Variants in ADGRL3 observed in about 807,000 individuals in gnomAD.
ADGRL3 encodes calcium-independent alpha-latrotoxin receptor 3.
ADGRL3 carries 62 observed loss-of-function variants against 153.5 expected under a neutral mutation model. The observed-to-expected ratio is 0.40, with a 90% CI of 0.33 to 0.50. ADGRL3 has a LOEUF of 0.50. ADGRL3 is among the 20% of genes least tolerant of loss of function. The pLI is 0.47. For synonymous variants in ADGRL3, 710 were observed against 672.5 expected (o/e 1.06, Z -0.86); for missense variants, 1,641 against 1,859.4 (o/e 0.88, Z 2.16).
intron 9 of ADGRL3, among the ~76,000 whole-genome samples, chr4:61,844,890 C>T (rs2149048555): frequency 6.6e-6 from 1 of 152,122 alleles, no homozygotes; most frequent in East Asian, 1.9e-4. Context: ...GAACTATACA[C>T]TGCACAATTA....
At chr4:61,991,418 A>G (rs1161294493) in intron 19 of ADGRL3, among the ~76,000 whole-genome samples, 5 of 152,120 alleles carry the variant, frequency 3.3e-5, no homozygotes, top group Admixed American at 3.3e-4. Context: ...TATAATAGCC[A>G]TAATTCTTAT....
At chr4:61,612,954 T>G (rs1474340093) in intron 5 of ADGRL3, among the ~76,000 whole-genome samples, 2 of 152,164 alleles carry the variant, frequency 1.3e-5, no homozygotes, top group African/African-American at 4.8e-5. Flanking sequence ...TAGAGCTTTT[T>G]AAAATCTCAA....
intron 19 of ADGRL3, among the ~76,000 whole-genome samples, chr4:61,993,164 T>TTTG (rs1553904369): frequency 1.4e-5 from 2 of 138,424 alleles, no homozygotes; most frequent in South Asian, 2.5e-4. Flanking sequence ...TGGGCTGCAG[T>TTTG]TGTGTGTGTG....
At chr4:62,050,215 A>G (rs1733366294) in intron 25 of ADGRL3, among the ~76,000 whole-genome samples, 1 of 152,154 alleles carries the variant, frequency 6.6e-6, no homozygotes, top group South Asian at 2.1e-4. Flanking sequence ...AATTAAATGC[A>G]CATTGCATCT....
At chr4:61,310,296 C>T (rs962332190) in intron 1 of ADGRL3, among the ~76,000 whole-genome samples, 4 of 152,012 alleles carry the variant, frequency 2.6e-5, no homozygotes, top group African/African-American at 4.8e-5. Flanking sequence ...ATTAAATAGC[C>T]ATGTTTACGG....
chr4:61,334,064 G>C (rs373111721), intron 1 of ADGRL3, among the ~76,000 whole-genome samples: 50 of 151,358 alleles, frequency 3.3e-4, no homozygotes, highest in African/African-American at 1.2e-3. Flanking sequence ...TTACAGGTGT[G>C]CACCACTACG....
chr4:61,786,549 A>G (rs1413194983), intron 8 of ADGRL3, among the ~76,000 whole-genome samples: 1 of 152,210 alleles, frequency 6.6e-6, no homozygotes, highest in African/African-American at 2.4e-5. Context: ...GTATTTGGCA[A>G]GGCACCCTTA....
chr4:61,800,813 C>T (rs181299259), intron 8 of ADGRL3, among the ~76,000 whole-genome samples: 1 of 152,240 alleles, frequency 6.6e-6, no homozygotes, highest in African/African-American at 2.4e-5. Context: ...AAAATGATCC[C>T]TTTTTGTGTG....
At chr4:62,015,148 T>G (rs2099205703) in intron 21 of ADGRL3, among the ~76,000 whole-genome samples, 1 of 152,132 alleles carries the variant, frequency 6.6e-6, no homozygotes, top group Admixed American at 6.5e-5. Context: ...ACTTGAAAAT[T>G]TCCTAATCTA....
At chr4:61,916,406 A>G (rs987765117) in intron 13 of ADGRL3, among the ~76,000 whole-genome samples, 2 of 152,176 alleles carry the variant, frequency 1.3e-5, no homozygotes, top group Non-Finnish European at 2.9e-5. Context: ...AAGCCAAGGT[A>G]GAAGGATTTT....
chr4:61,777,711 G>A (rs1440304216), intron 8 of ADGRL3, among the ~76,000 whole-genome samples: 1 of 152,126 alleles, frequency 6.6e-6, no homozygotes, highest in African/African-American at 2.4e-5. Flanking sequence ...AAGTACTACT[G>A]TGAAAATAAA....
At chr4:61,583,128 A>G (rs778715644) in intron 4 of ADGRL3, among the ~76,000 whole-genome samples, 2 of 152,024 alleles carry the variant, frequency 1.3e-5, no homozygotes, top group African/African-American at 2.4e-5. Flanking sequence ...ACTTATTGAT[A>G]TGTTTTGTCC....
chr4:61,429,715 T>C (rs111647830), intron 2 of ADGRL3, among the ~76,000 whole-genome samples: 106 of 152,234 alleles, frequency 7.0e-4, no homozygotes, highest in African/African-American at 2.4e-3. Context: ...CTTCCCTAAG[T>C]ATTAGATATT....
At chr4:61,746,857 C>G (rs1395879225) in intron 8 of ADGRL3, among the ~76,000 whole-genome samples, 1 of 151,936 alleles carries the variant, frequency 6.6e-6, no homozygotes, top group East Asian at 1.9e-4. Context: ...TAACTAAGAT[C>G]AGAGCAGAAC....
chr4:61,429,374 T>G (rs2097327623), intron 2 of ADGRL3, among the ~76,000 whole-genome samples: 1 of 152,122 alleles, frequency 6.6e-6, no homozygotes, highest in African/African-American at 2.4e-5. Context: ...AAGTTAAAGG[T>G]GAAAGAATCA....
intron 3 of ADGRL3, among the ~76,000 whole-genome samples, chr4:61,500,029 C>G (rs79007872): frequency 3.6e-5 from 5 of 140,556 alleles, no homozygotes; most frequent in Admixed American, 1.4e-4. Context: ...CACACAGAAA[C>G]AGAGAGAGAG....
intron 1 of ADGRL3, among the ~76,000 whole-genome samples, chr4:61,368,452 G>A (rs1175542805): frequency 6.6e-6 from 1 of 152,110 alleles, no homozygotes; most frequent in African/African-American, 2.4e-5. Flanking sequence ...CATATGGCTG[G>A]CCAGTTTTCC....
At chr4:61,911,450 T>C (rs2098721371) in intron 12 of ADGRL3, among the ~76,000 whole-genome samples, 1 of 152,178 alleles carries the variant, frequency 6.6e-6, no homozygotes. Context: ...TATGTTAATT[T>C]GCATGATGGG....
At chr4:61,419,873 C>T (rs1038881362) in intron 2 of ADGRL3, among the ~76,000 whole-genome samples, 37 of 151,554 alleles carry the variant, frequency 2.4e-4, no homozygotes, top group Non-Finnish European at 2.9e-5. Flanking sequence ...TGGCTCACTG[C>T]AGCCTCCACC....
Sources: allele counts gnomAD v4.1 joint callset (sites outside exome capture counted in the v4.1 genomes callset), GRCh38; gene constraint gnomAD v4.1.1; transcripts MANE v1.5; gene names NCBI Gene and HGNC (gene_info 2026-07-23, HGNC 2026-07-21).